CDH18: variants seen among roughly 807,000 people sequenced by gnomAD.
CDH18 encodes the protein cadherin 18.
Under a neutral mutation model 67.9 loss-of-function variants are expected in CDH18, and 31 were observed. The observed-to-expected ratio is 0.46, with a 90% confidence interval of 0.34 to 0.62. The LOEUF (loss-of-function observed/expected upper bound fraction) is 0.62. CDH18 is among the 20% of genes least tolerant of loss of function. The pLI is 0.01. For missense variants in CDH18, 890 were observed against 975.5 expected (o/e 0.91, Z 1.17); for synonymous variants, 362 against 347.2 (o/e 1.04, Z -0.48).
intron 1 of CDH18, among the ~76,000 whole-genome samples, chr5:20,515,313 A>AG (rs1755294626): frequency 2.0e-5 from 3 of 151,700 alleles, no homozygotes. Flanking sequence ...GTAATAAAAA[A>AG]AAAAAAAAGG....
Position 20,277,681 on chromosome 5 carries a change from A to G in CDH18, c.-579-22176T>C, listed in dbSNP as rs968848384. Among the ~76,000 whole-genome samples, 14 of 152,278 alleles carry G rather than the reference A, an allele frequency of 9.2e-5. No homozygotes were observed. The South Asian group carries it at 2.7e-3, about 29-fold the overall frequency. ...CTCACTAATAAATAAGGCACAAGGG[A>G]CCGATCCTGAAGAGAGAGAGTTATG... On this transcript the variant is annotated intron_variant, in intron 1 of 14. Transcript: ENST00000507958.
intron 10 of CDH18, among the ~76,000 whole-genome samples, chr5:19,504,614 T>G (rs978791848): frequency 2.0e-5 from 3 of 152,050 alleles, no homozygotes; most frequent in Admixed American, 1.3e-4. Context: ...ATATTTTAAG[T>G]TTTTTAAGGG....
At chr5:20,447,793 T>C (rs1189598061) in intron 1 of CDH18, among the ~76,000 whole-genome samples, 34 of 152,200 alleles carry the variant, frequency 2.2e-4, no homozygotes, top group Non-Finnish European at 1.0e-4. Context: ...TTTCCTTCCG[T>C]TTACTACTCA....
At chr5:19,963,722 G>A (rs1797144506) in intron 2 of CDH18, among the ~76,000 whole-genome samples, 1 of 151,710 alleles carries the variant, frequency 6.6e-6, no homozygotes, top group African/African-American at 2.4e-5. Context: ...CCAGTATTGG[G>A]TATGTCTTTA....
At chr5:19,603,507 G>A (rs570258494) in intron 6 of CDH18, among the ~76,000 whole-genome samples, 6 of 151,906 alleles carry the variant, frequency 3.9e-5, no homozygotes, top group South Asian at 4.2e-4. Flanking sequence ...TTGTTAAAAG[G>A]ATAAATATTA....
chr5:19,813,031 A>G (rs1778909199), intron 3 of CDH18, among the ~76,000 whole-genome samples: 1 of 152,172 alleles, frequency 6.6e-6, no homozygotes, highest in African/African-American at 2.4e-5. Context: ...TCAGGAAACT[A>G]ACACAGGAAC....
intron 11 of CDH18, among the ~76,000 whole-genome samples, chr5:19,500,315 T>C (rs1006441562): frequency 6.6e-6 from 1 of 152,204 alleles, no homozygotes; most frequent in African/African-American, 2.4e-5. Context: ...GTATTATCTA[T>C]AATTGCTTTG....
intron 2 of CDH18, among the ~76,000 whole-genome samples, chr5:20,084,391 C>G (rs1427668866): frequency 6.6e-6 from 1 of 152,186 alleles, no homozygotes; most frequent in African/African-American, 2.4e-5. Flanking sequence ...CAGGGTACAG[C>G]CTCTCTCCTG....
Position 19,473,030 on chromosome 5 carries a change from CTT to C in CDH18, c.*194_*195del, listed in dbSNP as rs34972691. On this transcript the variant is annotated 3_prime_UTR_variant, in exon 13 of 13. Coordinates refer to ENST00000382275, the MANE Select transcript of CDH18 (RefSeq NM_004934.5). ...AACAATAACTTTTTCTTTGTATTGT[CTT>C]TTTTTTTTTTTTTTTACTTTCTTCC... The C allele has an allele frequency of 0.09, 36,034 of 398,790 alleles. 3 individuals are homozygous for C. Among genetic ancestry groups the C allele is most frequent in the Middle Eastern group, 0.12 (160 of 1,380 alleles). 24.7% of individuals were successfully genotyped at this position (398,790 alleles called of 1,614,324 possible). A position where few individuals can be genotyped will look rare whatever the true frequency, so the allele number is the denominator to read the frequency against.
chr5:20,382,755 T>C (rs1744014396), intron 1 of CDH18, among the ~76,000 whole-genome samples: 2 of 152,112 alleles, frequency 1.3e-5, no homozygotes, highest in African/African-American at 4.8e-5. Flanking sequence ...AACACTGGCT[T>C]TACTCTGTTT....
chr5:19,813,553 T>A (rs565582859), intron 3 of CDH18, among the ~76,000 whole-genome samples: 2 of 152,236 alleles, frequency 1.3e-5, no homozygotes, highest in South Asian at 4.1e-4. Context: ...TATTATTTAA[T>A]GATAAACTAA....
intron 2 of CDH18, among the ~76,000 whole-genome samples, chr5:20,195,844 T>C (rs1389582006): frequency 6.6e-6 from 1 of 152,142 alleles, no homozygotes; most frequent in African/African-American, 2.4e-5. Context: ...TTGTAAATAT[T>C]GAGACACTTT....
intron 4 of CDH18, among the ~76,000 whole-genome samples, chr5:19,728,377 G>A (rs756183973): frequency 6.6e-6 from 1 of 152,094 alleles, no homozygotes; most frequent in Non-Finnish European, 1.5e-5. Context: ...ACAGTTAGCT[G>A]TTCCCATGCT....
At chr5:20,253,648 T>C (rs1312245580) in intron 2 of CDH18, among the ~76,000 whole-genome samples, 3 of 152,136 alleles carry the variant, frequency 2.0e-5, no homozygotes, top group Non-Finnish European at 4.4e-5. Flanking sequence ...AAGGAAAGAC[T>C]CTCAGAGCTT....
chr5:20,551,169 A>G (rs1335152670), intron 1 of CDH18, among the ~76,000 whole-genome samples: 1 of 152,228 alleles, frequency 6.6e-6, no homozygotes, highest in Admixed American at 6.5e-5. Flanking sequence ...GAAACCAGCT[A>G]TGAGATAAAT....
At chr5:20,080,892 T>A (rs1744410466) in intron 2 of CDH18, among the ~76,000 whole-genome samples, 1 of 152,142 alleles carries the variant, frequency 6.6e-6, no homozygotes, top group African/African-American at 2.4e-5. Flanking sequence ...TAAATATAAC[T>A]CTTTCTACTC....
rs1491447065 is a variant in CDH18, at chr5:19,678,245, TCA to T, written c.643+43100_643+43101del. Among the ~76,000 whole-genome samples the T allele has an allele frequency of 2.6e-3, 193 of 74,892 alleles. 1 individual carries two copies. Among genetic ancestry groups the T allele is most frequent in the African/African-American group, 6.7e-3 (187 of 27,894 alleles). 49.1% of individuals were successfully genotyped at this position (74,892 alleles called of 152,430 possible). A position where few individuals can be genotyped will look rare whatever the true frequency, so the allele number is the denominator to read the frequency against. ...CAAACATAAAACAATCCTCAGCAAA[TCA>T]AAAAAAAAAAACACTGAAATCACAG... On this transcript the variant is annotated intron_variant, in intron 5 of 12. Coordinates refer to ENST00000382275, the MANE Select transcript of CDH18 (RefSeq NM_004934.5).
chr5:20,161,697 T>C (rs1735904369), intron 2 of CDH18, among the ~76,000 whole-genome samples: 1 of 152,198 alleles, frequency 6.6e-6, no homozygotes, highest in Non-Finnish European at 1.5e-5. Flanking sequence ...CTCTCATTTA[T>C]GTTGTCTTAT....
chr5:19,757,390 T>C (rs1771751128), intron 3 of CDH18, among the ~76,000 whole-genome samples: 1 of 152,206 alleles, frequency 6.6e-6, no homozygotes, highest in Non-Finnish European at 1.5e-5. Flanking sequence ...TGTTGGTCTC[T>C]GCTGCTGGCA....
Sources: gnomAD v4.1 joint callset for allele counts (sites outside exome capture counted in the v4.1 genomes callset) on GRCh38, gnomAD v4.1.1 for gene constraint, MANE v1.5 for transcripts, NCBI Gene and HGNC (gene_info 2026-07-23, HGNC 2026-07-21) for gene names.